The following CHEK2 variants were observed in gnomAD, a reference collection of about 807,000 sequenced individuals.
The protein encoded by CHEK2 is checkpoint kinase 2.
In CHEK2, 71 loss-of-function variants were observed where a neutral mutation model predicts 69.1. The observed-to-expected ratio is 1.03, with a 90% CI of 0.85 to 1.25. The LOEUF is 1.25. CHEK2 is among the 50% of genes most tolerant of loss of function. The pLI is 0.00. For synonymous variants in CHEK2, 189 were observed against 226.9 expected (o/e 0.83, Z 1.50); for missense variants, 664 against 649.6 (o/e 1.02, Z -0.24).
chr22:28,717,359 C>T (rs752009131), intron 5 of CHEK2, among the ~76,000 whole-genome samples: 3 of 152,204 alleles, frequency 2.0e-5, no homozygotes, highest in Non-Finnish European at 4.4e-5. Context: ...GCCTGGGTGA[C>T]AGAGCGAGAC....
intron 9 of CHEK2, among the ~76,000 whole-genome samples, chr22:28,698,927 G>A (rs2052703795): frequency 6.6e-6 from 1 of 152,046 alleles, no homozygotes; most frequent in African/African-American, 2.4e-5. Context: ...CTTCTACAAG[G>A]ATCAAGCAGA....
At chr22:28,706,717 G>T (rs528733940) in intron 7 of CHEK2, among the ~76,000 whole-genome samples, 1 of 152,196 alleles carries the variant, frequency 6.6e-6, no homozygotes, top group African/African-American at 2.4e-5. Context: ...TCAGGAGTTC[G>T]AGACCAGCCT....
In CHEK2 at chr22:28,703,612, A is replaced by C. The variant is rs777214472; in HGVS notation, c.847-46T>G. On this transcript the variant is annotated intron_variant, in intron 7 of 14. Coordinates refer to ENST00000404276, the MANE Select transcript of CHEK2 (RefSeq NM_007194.4). ...AAGGGAAAGTAGTGAGAAACTCCCAAGAGGAAAACCACAAGAGCTTAGAAC... is the reference window on the plus strand; with the variant it reads ...AAGGGAAAGTAGTGAGAAACTCCCACGAGGAAAACCACAAGAGCTTAGAAC... The C allele has an allele frequency of 3.3e-6, 4 of 1,209,370 alleles. No individual in the cohort carries two copies. The African/African-American group carries it at 6.0e-5, about 18-fold the overall frequency. 74.9% of individuals were successfully genotyped at this position (1,209,370 alleles called of 1,614,324 possible).
chr22:28,716,351 C>T (rs1254546981), intron 5 of CHEK2, among the ~76,000 whole-genome samples: 6 of 151,946 alleles, frequency 3.9e-5, no homozygotes, highest in Admixed American at 6.6e-5. Flanking sequence ...CATGCGTCAC[C>T]ACACCTGGCT....
At chr22:28,690,328 C>CA (rs4035556) in intron 13 of CHEK2, among the ~76,000 whole-genome samples, 2 of 151,586 alleles carry the variant, frequency 1.3e-5, no homozygotes, top group South Asian at 2.1e-4. Context: ...TTCGTCACTA[C>CA]AAAAAAAATT....
chr22:28,735,746 G>A (rs2054383641), intron 1 of CHEK2, among the ~76,000 whole-genome samples: 1 of 151,940 alleles, frequency 6.6e-6, no homozygotes, highest in South Asian at 2.1e-4. Context: ...GCCGGGTGTG[G>A]TGGCAGGCGC....
intron 14 of CHEK2, among the ~76,000 whole-genome samples, chr22:28,688,925 T>A (rs2052230827): frequency 6.6e-6 from 1 of 152,220 alleles, no homozygotes; most frequent in Admixed American, 6.5e-5. Context: ...GCTGTGCTTA[T>A]CGGTCTATTA....
chr22:28,741,800 C>A lies in CHEK2; in HGVS notation c.-38G>T, dbSNP rs1374634895. On this transcript the variant is annotated 5_prime_UTR_variant, in exon 1 of 15. Coordinates refer to ENST00000404276, the MANE Select transcript of CHEK2 (RefSeq NM_007194.4). ...AGCCCACCTGGAGCCGCACACTCTC[C>A]GCAGCCTCAGCCAGCAGAGTGGCGC... 7.3e-5 allele frequency: 37 copies of A among 507,310 alleles called. No homozygotes were observed. The East Asian group carries it at 1.3e-3, about 17-fold the overall frequency. 31.4% of individuals were successfully genotyped at this position (507,310 alleles called of 1,614,324 possible). A position where few individuals can be genotyped will look rare whatever the true frequency, so the allele number is the denominator to read the frequency against.
Position 28,734,621 on chromosome 22 carries a change from T to G in CHEK2, c.101A>C (p.Gln34Pro). The G allele has an allele frequency of 6.2e-7, 1 of 1,613,830 alleles. No individual in the cohort carries two copies. Among genetic ancestry groups the G allele is most frequent in the Non-Finnish European group, 8.5e-7 (1 of 1,179,980 alleles). Residue 34 changes from glutamine (Q) to proline (P), a missense_variant, in exon 2 of 15, where the codon CAG becomes CCG. Coordinates refer to ENST00000404276, the MANE Select transcript of CHEK2 (RefSeq NM_007194.4). ...SVTQSQGSSSQSQGISSSSTS... is the reference protein window; with the variant it reads ...SVTQSQGSSSPSQGISSSSTS... The stretch of plus-strand genomic sequence containing the variant: ...AGAGGAGCTGGATATGCCCTGGGAC[T>G]GTGAGGAGGAGCCTTGGGACTGGGT...
chr22:28,708,979 CAAAA>C (rs2053285102), intron 7 of CHEK2: 1 of 360,544 alleles, frequency 2.8e-6, no homozygotes, highest in African/African-American at 2.5e-5. Context: ...AAAAAACAAA[CAAAA>C]AAAATGCCAG....
rs910996907 is a variant in CHEK2, at chr22:28,728,322, A to G, written c.320-2955T>C. On this transcript the variant is annotated intron_variant, in intron 2 of 14. Transcript: ENST00000404276. ...AATAATTGAACAATTGTGTGACAGTATTAGATGACATAGGTGAAATGGACA... is the reference window on the plus strand; with the variant it reads ...AATAATTGAACAATTGTGTGACAGTGTTAGATGACATAGGTGAAATGGACA... Among the ~76,000 whole-genome samples, 9 of 152,344 alleles carry G rather than the reference A, an allele frequency of 5.9e-5. No homozygotes were observed. In the South Asian group the frequency reaches 8.3e-4, roughly 14 times the overall value.
At position 28,734,691 on chromosome 22, in the gene CHEK2, G is replaced by T. The variant is rs1349961118; in HGVS notation, c.31C>A (p.Gln11Lys). 6.2e-7 allele frequency: 1 copy of T among 1,613,746 alleles called. No homozygotes were observed. Among genetic ancestry groups the T allele is most frequent in the Admixed American group, 1.7e-5 (1 of 59,982 alleles). The change falls in exon 2 of 15, where the codon CAG becomes AAG. Residue 11 changes from glutamine to lysine, a missense_variant. Transcript: ENST00000404276. ...GAACAGGCACTGCTGCCATGAGACT[G>T]CTGAGCCTCAACATCCGACTCCCGA... MSRESDVEAQ[Q>K]SHGSSACSQP...
rs1010155423 is a variant in CHEK2 at position 28,709,961 on chromosome 22, T to A, written c.846+45A>T. Reference sequence around the variant, plus strand: ...GAAAGGCTTTATACTCTTCTCATATTTTGAGATAGATAAATCTAAGTATGA... The same window carrying A: ...GAAAGGCTTTATACTCTTCTCATATATTGAGATAGATAAATCTAAGTATGA... On this transcript the variant is annotated intron_variant, in intron 7 of 14. Transcript: ENST00000404276. The A allele has an allele frequency of 2.7e-6, 3 of 1,119,710 alleles. No homozygotes were observed. The African/African-American group carries it at 4.6e-5, about 17-fold the overall frequency. The allele number at this position is 1,119,710 out of a possible 1,614,324, so 69.4% of individuals were successfully genotyped here.
chr22:28,694,803 G>A (rs2052498718), intron 12 of CHEK2, among the ~76,000 whole-genome samples: 1 of 152,132 alleles, frequency 6.6e-6, no homozygotes, highest in African/African-American at 2.4e-5. Context: ...ACTAAAATAG[G>A]TACCAGGCAC....
At chr22:28,710,174 A>T (rs536868834) in intron 6 of CHEK2, 115 bp from the exon 7 acceptor site, 12 of 662,772 alleles carry the variant, frequency 1.8e-5, no homozygotes, top group Non-Finnish European at 3.2e-5. Context: ...ACCCAGCTCT[A>T]CTTATACAAA....
intron 2 of CHEK2, 129 bp from the exon 3 acceptor site, chr22:28,725,496 A>G: frequency 9.1e-7 from 1 of 1,098,978 alleles, no homozygotes; most frequent in Non-Finnish European, 1.4e-6. Flanking sequence ...CTGCTTATCA[A>G]GATTTTACAA....
chr22:28,734,816 A>G (rs1452281245), intron 1 of CHEK2, 89 bp from the exon 2 acceptor site: 6 of 993,258 alleles, frequency 6.0e-6, no homozygotes, highest in Non-Finnish European at 8.8e-6. Context: ...TTACAACAGC[A>G]AAAGAAAAGA....
At position 28,704,763 on chromosome 22, in the gene CHEK2, TAAAAA is replaced by T. The variant is rs1225927418; in HGVS notation, c.847-1202_847-1198del. Reference sequence around the variant, plus strand: ...TGGAGGACTGTAGTTATATCAGAATTAAAAAGAAAAGAGTCATCAGATTTTTTGGT... The same window carrying T: ...TGGAGGACTGTAGTTATATCAGAATTGAAAAGAGTCATCAGATTTTTTGGT... On this transcript the variant is annotated intron_variant, in intron 7 of 14. Transcript: ENST00000404276. 2.0e-5 allele frequency among the ~76,000 whole-genome samples: 3 copies of T among 152,150 alleles called. No individual in the cohort carries two copies. In the East Asian group the frequency reaches 5.8e-4, roughly 29 times the overall value.
At chr22:28,692,033 A>G (rs2052385137) in intron 13 of CHEK2, among the ~76,000 whole-genome samples, 1 of 152,238 alleles carries the variant, frequency 6.6e-6, no homozygotes. Context: ...AGGTGGCTAA[A>G]AGAGTATTCC....
Sources: gnomAD v4.1 joint callset for allele counts (sites outside exome capture counted in the v4.1 genomes callset) on GRCh38, gnomAD v4.1.1 for gene constraint, MANE v1.5 for transcripts, NCBI Gene and HGNC (gene_info 2026-07-23, HGNC 2026-07-21) for gene names.